The following HSF1 variants were observed in gnomAD, a reference collection of about 807,000 sequenced individuals.
HSF1 encodes heat shock factor protein 1.
A neutral mutation model predicts 51.7 loss-of-function variants in HSF1; 32 were observed. The observed-to-expected ratio is 0.62, with a 90% confidence interval of 0.47 to 0.83. The LOEUF is 0.83. Among genes scored for constraint, HSF1 ranks in the 40% least tolerant of loss-of-function variants. The probability of loss-of-function intolerance (pLI) is 0.00; values close to 1 mark genes in which losing one functional copy is unlikely to be tolerated. For synonymous variants in HSF1, 396 were observed against 309.7 expected (o/e 1.28, Z -2.92); for missense variants, 727 against 717.0 (o/e 1.01, Z -0.16).
intron 1 of HSF1, among the ~76,000 whole-genome samples, chr8:144,307,087 C>T (rs781948045): frequency 5.3e-5 from 8 of 152,202 alleles, no homozygotes; most frequent in Non-Finnish European, 7.3e-5. Context: ...CACACGTGTA[C>T]ACGGCTGCGA....
At chr8:144,311,035 C>T in intron 4 of HSF1, 139 bp from the exon 5 acceptor site, 1 of 759,686 alleles carries the variant, frequency 1.3e-6, no homozygotes, top group Non-Finnish European at 2.1e-6. Context: ...CACACAAGTT[C>T]TCATCCTGGG....
intron 3 of HSF1, 58 bp downstream of exon 3, chr8:144,309,649 C>T: frequency 1.2e-6 from 2 of 1,603,330 alleles, no homozygotes; most frequent in Non-Finnish European, 1.7e-6. Context: ...TCCCCGCCCG[C>T]CCCTCCCTGA....
intron 9 of HSF1, chr8:144,312,780 G>T (rs982648075): frequency 1.3e-5 from 18 of 1,386,112 alleles, no homozygotes; most frequent in Non-Finnish European, 1.8e-5. Context: ...CACAGCCGTG[G>T]ACCAGACCCA....
intron 2 of HSF1, 29 bp downstream of exon 2, chr8:144,309,043 G>GCACCCC: frequency 6.5e-7 from 1 of 1,527,694 alleles, no homozygotes; most frequent in Non-Finnish European, 9.1e-7. Flanking sequence ...CAGCGCAGGG[G>GCACCCC]TGCGGGAGGC....
At chr8:144,309,311 G>T (rs1194861227) in intron 2 of HSF1, 144 bp from the exon 3 acceptor site, 10 of 1,173,976 alleles carry the variant, frequency 8.5e-6, no homozygotes, top group Non-Finnish European at 1.2e-5. Flanking sequence ...AAGGCCACTC[G>T]GCCACCCAGG....
At chr8:144,313,823 T>G (rs782229628) in intron 10 of HSF1, 23 bp from the exon 11 acceptor site, 2 of 1,471,712 alleles carry the variant, frequency 1.4e-6, no homozygotes, top group Non-Finnish European at 1.8e-6. Context: ...GGTGCTGTTC[T>G]GACTTCCCTC....
chr8:144,312,301 T>G (rs1261520806), intron 9 of HSF1, 57 bp downstream of exon 9: 1 of 1,244,068 alleles, frequency 8.0e-7, no homozygotes, highest in African/African-American at 1.5e-5. Flanking sequence ...AGCCCTGGGC[T>G]TCAGCCCCGA....
rs1815096242 is a variant in HSF1, at chr8:144,291,688, C to T, written c.-70C>T. 1.0e-4 allele frequency: 91 copies of T among 898,540 alleles called. 5 individuals are homozygous for T. In the South Asian group the frequency reaches 1.5e-3, roughly 15 times the overall value. The allele number at this position is 898,540 out of a possible 1,614,324, so 55.7% of individuals were successfully genotyped here. Reference sequence around the variant, plus strand: ...GGCGCGGCCCGGAAGGCTGGCGCGGCGACGGCGTTAGCCCGGCCCTCGGCC... The same window carrying T: ...GGCGCGGCCCGGAAGGCTGGCGCGGTGACGGCGTTAGCCCGGCCCTCGGCC... On this transcript the variant is annotated 5_prime_UTR_variant, in exon 1 of 13. It introduces an in-frame stop codon into an upstream open reading frame of the 5' UTR. Coordinates refer to ENST00000528838, the MANE Select transcript of HSF1 (RefSeq NM_005526.4). The surrounding 1 kb of genome is among the most constrained non-coding windows in gnomAD (Gnocchi z 4.1).
chr8:144,298,498 G>A (rs1057314299), intron 1 of HSF1, among the ~76,000 whole-genome samples: 18 of 151,554 alleles, frequency 1.2e-4, no homozygotes, highest in Non-Finnish European at 8.8e-5. Context: ...CCAGCTACTC[G>A]GGAGGCTGAG....
intron 1 of HSF1, among the ~76,000 whole-genome samples, chr8:144,295,648 G>A (rs782185984): frequency 5.3e-5 from 8 of 152,086 alleles, no homozygotes; most frequent in Non-Finnish European, 1.2e-4. Flanking sequence ...CTGCCTCCCA[G>A]GCTCAAGTGA....
At chr8:144,312,761 GC>G in intron 9 of HSF1, 3 of 1,478,012 alleles carry the variant, frequency 2.0e-6, no homozygotes, top group Non-Finnish European at 2.7e-6. Flanking sequence ...CAGCGCTCGG[GC>G]CCTCCCACAC....
chr8:144,299,845 C>T (rs370733754), intron 1 of HSF1, among the ~76,000 whole-genome samples: 1 of 151,766 alleles, frequency 6.6e-6, no homozygotes, highest in South Asian at 2.1e-4. Context: ...GGAGGTGGAG[C>T]TTGCAGTGAG....
rs1817084547 is a variant in HSF1 at position 144,314,411 on chromosome 8, G to A, written c.*81G>A. 3 of 1,293,218 alleles carry A rather than the reference G, an allele frequency of 2.3e-6. No individual in the cohort carries two copies. The highest frequency in any genetic ancestry group is 3.0e-5 in the African/African-American group (2 of 67,676). 80.1% of individuals were successfully genotyped at this position (1,293,218 alleles called of 1,614,324 possible). A position where few individuals can be genotyped will look rare whatever the true frequency, so the allele number is the denominator to read the frequency against. On this transcript the variant is annotated 3_prime_UTR_variant, in exon 13 of 13. Transcript: ENST00000528838. Reference sequence around the variant, plus strand: ...CTTGGGGAGGCAGGGCAGCCTCGCGGTCTTGGGCACTGGTGGGTCGGCCGC... The same window carrying A: ...CTTGGGGAGGCAGGGCAGCCTCGCGATCTTGGGCACTGGTGGGTCGGCCGC...
intron 2 of HSF1, 123 bp downstream of exon 2, chr8:144,309,137 G>T: frequency 2.5e-6 from 2 of 809,086 alleles, no homozygotes; most frequent in Middle Eastern, 2.9e-4. Context: ...CATGGCGTGG[G>T]ACCCTGCAAG....
chr8:144,311,909 G>A (rs1816693401), intron 8 of HSF1, 54 bp from the exon 9 acceptor site: 6 of 1,581,226 alleles, frequency 3.8e-6, no homozygotes, highest in Non-Finnish European at 4.3e-6. Flanking sequence ...GCAGAGTTGG[G>A]GATGAGGTGG....
intron 4 of HSF1, chr8:144,310,129 G>A: frequency 1.8e-6 from 1 of 540,912 alleles, no homozygotes; most frequent in Non-Finnish European, 3.3e-6. Context: ...CCCCTGCTCT[G>A]CACATCCCCA....
At chr8:144,301,952 T>C (rs1815916677) in intron 1 of HSF1, among the ~76,000 whole-genome samples, 1 of 150,472 alleles carries the variant, frequency 6.6e-6, no homozygotes, top group African/African-American at 2.5e-5. Flanking sequence ...GAAGGATTGC[T>C]CCCAGATGGG....
At chr8:144,308,844 G>A in intron 1 of HSF1, 62 bp from the exon 2 acceptor site, 4 of 1,340,016 alleles carry the variant, frequency 3.0e-6, no homozygotes, top group South Asian at 1.2e-5. Flanking sequence ...CTGGGGAAGG[G>A]GCGGCTTGGG....
At chr8:144,293,042 G>A (rs1187065403) in intron 1 of HSF1, among the ~76,000 whole-genome samples, 2 of 152,242 alleles carry the variant, frequency 1.3e-5, no homozygotes, top group African/African-American at 4.8e-5. Flanking sequence ...AGCATGTGTG[G>A]CCTCCCAGGA....
Sources: allele counts gnomAD v4.1 joint callset (sites outside exome capture counted in the v4.1 genomes callset), GRCh38; gene constraint gnomAD v4.1.1; non-coding constraint Gnocchi (gnomAD v3.1); transcripts MANE v1.5; gene names NCBI Gene and HGNC (gene_info 2026-07-23, HGNC 2026-07-21).